PCDH9: variants seen among roughly 807,000 people sequenced by gnomAD.
PCDH9 encodes protocadherin-9.
A neutral mutation model predicts 70.6 loss-of-function variants in PCDH9; 24 were observed. That is an observed-to-expected ratio of 0.34 (90% CI 0.25 to 0.48). The LOEUF is 0.48. Among genes scored for constraint, PCDH9 ranks in the 20% least tolerant of loss-of-function variants. The pLI is 0.99. For missense variants in PCDH9, 1,281 were observed against 1,503.6 expected (o/e 0.85, Z 2.45); for synonymous variants, 562 against 558.5 (o/e 1.01, Z -0.09).
chr13:66,507,074 A>G (rs1425062960), intron 4 of PCDH9, among the ~76,000 whole-genome samples: 1 of 152,176 alleles, frequency 6.6e-6, no homozygotes, highest in Non-Finnish European at 1.5e-5. Flanking sequence ...AAATTTCTAT[A>G]CCAATACTCT....
chr13:66,517,564 T>C (rs887102203), intron 4 of PCDH9, among the ~76,000 whole-genome samples: 1 of 152,186 alleles, frequency 6.6e-6, no homozygotes, highest in African/African-American at 2.4e-5. Context: ...TAAAAGCTCA[T>C]GTGAAATTCC....
chr13:66,636,451 CATG>C (rs375821439), intron 3 of PCDH9, among the ~76,000 whole-genome samples: 10 of 152,020 alleles, frequency 6.6e-5, no homozygotes, highest in Non-Finnish European at 7.4e-5. Context: ...TCTCAAGTAA[CATG>C]ATAACAACAT....
At chr13:66,356,142 A>G (rs1010662536) in intron 4 of PCDH9, among the ~76,000 whole-genome samples, 2 of 152,160 alleles carry the variant, frequency 1.3e-5, no homozygotes, top group Admixed American at 6.6e-5. Flanking sequence ...ATAAAAATCA[A>G]TTCAGAACAA....
intron 4 of PCDH9, among the ~76,000 whole-genome samples, chr13:66,450,947 G>A (rs1302260357): frequency 6.6e-6 from 1 of 152,126 alleles, no homozygotes; most frequent in Non-Finnish European, 1.5e-5. Context: ...AACCCAGGAG[G>A]CAGAGCTTGC....
At chr13:67,119,076 A>G (rs2086831249) in intron 2 of PCDH9, among the ~76,000 whole-genome samples, 1 of 152,170 alleles carries the variant, frequency 6.6e-6, no homozygotes, top group African/African-American at 2.4e-5. Flanking sequence ...TAAGAATCAG[A>G]AAGTCCTTTC....
At chr13:67,055,744 G>C (rs1481603818) in intron 2 of PCDH9, among the ~76,000 whole-genome samples, 1 of 152,106 alleles carries the variant, frequency 6.6e-6, no homozygotes, top group Non-Finnish European at 1.5e-5. Context: ...AGGTTACAGT[G>C]AGCTATAATC....
At chr13:66,582,953 T>C (rs2076912619) in intron 4 of PCDH9, among the ~76,000 whole-genome samples, 1 of 152,114 alleles carries the variant, frequency 6.6e-6, no homozygotes, top group African/African-American at 2.4e-5. Flanking sequence ...CCCAAACACA[T>C]GATTATCTCT....
chr13:66,820,184 A>G (rs1401532087), intron 3 of PCDH9, among the ~76,000 whole-genome samples: 7 of 152,130 alleles, frequency 4.6e-5, no homozygotes. Flanking sequence ...TGACTTTTCA[A>G]TGACAAATTT....
chr13:66,341,842 T>G (rs7997909), intron 4 of PCDH9, among the ~76,000 whole-genome samples: 144,795 of 152,188 alleles, frequency 0.95, 69,273 homozygotes, highest in East Asian at 1. Flanking sequence ...AGAGCTTGTG[T>G]CTCACTGCGC....
chr13:66,608,945 A>C (rs372626452), intron 4 of PCDH9, among the ~76,000 whole-genome samples: 6 of 152,336 alleles, frequency 3.9e-5, no homozygotes, highest in African/African-American at 1.4e-4. Flanking sequence ...ACTTTAGCTA[A>C]GGGACCTCAC....
chr13:66,719,844 G>T (rs1393519720), intron 3 of PCDH9, among the ~76,000 whole-genome samples: 2 of 152,128 alleles, frequency 1.3e-5, no homozygotes, highest in Non-Finnish European at 2.9e-5. Flanking sequence ...CATTTTATAA[G>T]TATCCATAGT....
intron 2 of PCDH9, among the ~76,000 whole-genome samples, chr13:66,932,649 T>A (rs1038881483): frequency 5.3e-5 from 7 of 131,694 alleles, no homozygotes; most frequent in Admixed American, 4.8e-4. Flanking sequence ...CTTAAATGTG[T>A]AAATCCTCAC....
intron 3 of PCDH9, among the ~76,000 whole-genome samples, chr13:66,682,164 T>C (rs1253916885): frequency 6.6e-6 from 1 of 151,896 alleles, no homozygotes; most frequent in African/African-American, 2.4e-5. Context: ...TTTTTAGAGA[T>C]TGTTTTTCCC....
rs116588508 is a variant in PCDH9, at chr13:67,099,552, T to A, written c.3036+125853A>T. Among the ~76,000 whole-genome samples, 1,142 of 152,312 alleles carry A rather than the reference T, an allele frequency of 7.5e-3. 17 individuals are homozygous for A. Among genetic ancestry groups the A allele is most frequent in the African/African-American group, 0.026 (1,060 of 41,566 alleles). ...ATGTAAAGAAATAACTTTTCCTAAA[T>A]ATTCAGAAATGGAGAATATTGTGTT... is the stretch of plus-strand genomic sequence containing the variant. On this transcript the variant is annotated intron_variant, in intron 2 of 4. Coordinates refer to ENST00000377865, the MANE Select transcript of PCDH9 (RefSeq NM_203487.3).
intron 2 of PCDH9, among the ~76,000 whole-genome samples, chr13:66,909,231 T>C (rs969877635): frequency 1.1e-4 from 17 of 151,992 alleles, no homozygotes; most frequent in African/African-American, 2.4e-4. Flanking sequence ...CTTATGAATA[T>C]ATTTTACCAA....
intron 4 of PCDH9, among the ~76,000 whole-genome samples, chr13:66,389,555 A>G (rs149260371): frequency 2.0e-5 from 3 of 152,318 alleles, no homozygotes; most frequent in Admixed American, 6.5e-5. Context: ...ATAAACTTTA[A>G]TGGTATATAA....
intron 2 of PCDH9, among the ~76,000 whole-genome samples, chr13:67,057,479 T>C (rs2085445894): frequency 6.6e-6 from 1 of 152,058 alleles, no homozygotes; most frequent in Non-Finnish European, 1.5e-5. Context: ...GGCAACTTTT[T>C]TCCTGGGGAG....
chr13:67,157,416 G>GATATTTATTTGTATCATATCATAT (rs2087843349), intron 2 of PCDH9, among the ~76,000 whole-genome samples: 1 of 152,152 alleles, frequency 6.6e-6, no homozygotes. Flanking sequence ...TTATTTAAAT[G>GATATTTATTTGTATCATATCATAT]AATGGATGTA....
intron 4 of PCDH9, among the ~76,000 whole-genome samples, chr13:66,413,025 C>A (rs555290989): frequency 2.6e-5 from 4 of 152,264 alleles, no homozygotes; most frequent in African/African-American, 9.6e-5. Context: ...TGTTAACAAG[C>A]ATTGTATACC....
Sources: allele counts gnomAD v4.1 joint callset (sites outside exome capture counted in the v4.1 genomes callset), GRCh38; gene constraint gnomAD v4.1.1; transcripts MANE v1.5; gene names NCBI Gene and HGNC (gene_info 2026-07-23, HGNC 2026-07-21).